TRRAP: variants seen among roughly 807,000 people sequenced by gnomAD.
TRRAP encodes transformation/transcription domain-associated protein.
TRRAP carries 41 observed loss-of-function variants against 438.8 expected under a neutral mutation model. The ratio of observed to expected loss-of-function variants is 0.09; its 90% CI spans 0.07 to 0.12. The LOEUF is 0.12. TRRAP is among the 10% of genes least tolerant of loss of function. The pLI is 1.00. For missense variants in TRRAP, 3,122 were observed against 5,055.1 expected (o/e 0.62, Z 11.60); for synonymous variants, 1,994 against 1,962.9 (o/e 1.02, Z -0.42).
intron 67 of TRRAP, among the ~76,000 whole-genome samples, chr7:98,996,285 G>A (rs766449137): frequency 2.6e-5 from 4 of 152,216 alleles, no homozygotes; most frequent in Non-Finnish European, 5.9e-5. Context: ...TTCTCGTGCT[G>A]TCTGGAACAC....
intron 17 of TRRAP, among the ~76,000 whole-genome samples, chr7:98,911,749 GA>G (rs1789284402): frequency 6.7e-6 from 1 of 149,938 alleles, no homozygotes; most frequent in South Asian, 2.1e-4. Context: ...CTGGGTGACA[GA>G]GCGAGACCCC....
At chr7:98,936,791 C>T (rs1790576664) in intron 28 of TRRAP, among the ~76,000 whole-genome samples, 1 of 152,208 alleles carries the variant, frequency 6.6e-6, no homozygotes. Context: ...TTTATCATGG[C>T]TTTTCTGGCA....
intron 13 of TRRAP, among the ~76,000 whole-genome samples, chr7:98,906,678 C>T (rs1584293569): frequency 6.6e-6 from 1 of 151,988 alleles, no homozygotes; most frequent in Non-Finnish European, 1.5e-5. Context: ...GGTGATCTGC[C>T]TGCCTCAGCC....
intron 11 of TRRAP, 33 bp downstream of exon 11, chr7:98,900,753 G>C: frequency 6.3e-7 from 1 of 1,575,712 alleles, no homozygotes. Flanking sequence ...CAGGTTTATT[G>C]AGATAGTTTA....
In TRRAP at chr7:98,910,176, C is replaced by G; in HGVS notation, c.1471C>G (p.Pro491Ala). 1 of 1,610,900 alleles carries G rather than the reference C, an allele frequency of 6.2e-7. No individual in the cohort carries two copies. Among genetic ancestry groups the G allele is most frequent in the Non-Finnish European group, 8.5e-7 (1 of 1,179,404 alleles). ...AGCTCTGCCTGGGGTGCCCACTGCC[C>G]CTGCAGCTCCTGGCCCTGCTCCCTC... ...EAALPGVPTA[P>A]AAPGPAPSPA... The change falls in exon 15 of 73, where the codon CCT (proline) becomes GCT (alanine). Residue 491 changes from proline to alanine, a missense_variant. Around this residue, in one of 24 missense-constraint regions of TRRAP, gnomAD observed 115 missense variants for 124.6 expected, o/e 0.92. Transcript: ENST00000456197.
intron 69 of TRRAP, among the ~76,000 whole-genome samples, chr7:99,006,157 AC>A (rs1279026892): frequency 3.9e-5 from 6 of 152,184 alleles, no homozygotes; most frequent in Non-Finnish European, 8.8e-5. Flanking sequence ...GCCTGATTGT[AC>A]CGGCACGTAG....
chr7:98,893,295 A>T (rs11976266), intron 5 of TRRAP, among the ~76,000 whole-genome samples: 1 of 152,080 alleles, frequency 6.6e-6, no homozygotes, highest in African/African-American at 2.4e-5. Flanking sequence ...TTCTGGGCCT[A>T]TTGGAAAGAT....
intron 1 of TRRAP, among the ~76,000 whole-genome samples, chr7:98,879,857 G>A (rs1483863331): frequency 1.3e-5 from 2 of 152,196 alleles, no homozygotes; most frequent in Non-Finnish European, 2.9e-5. Flanking sequence ...CTGCAAAGCA[G>A]TGTATCCGGT....
intron 1 of TRRAP, among the ~76,000 whole-genome samples, chr7:98,879,140 G>T (rs1391025021): frequency 6.6e-6 from 1 of 152,184 alleles, no homozygotes; most frequent in Non-Finnish European, 1.5e-5. Context: ...CGGGCTTGGC[G>T]GGGTCTGGGG....
intron 52 of TRRAP, 76 bp downstream of exon 52, chr7:98,970,367 A>G (rs963501526): frequency 1.4e-5 from 21 of 1,530,894 alleles, no homozygotes; most frequent in Middle Eastern, 2.0e-4. Context: ...AATCCCAGAG[A>G]GGAGGTGAGA....
rs538544249 is a variant in TRRAP, at chr7:98,921,732, T to C, written c.2623-21T>C. The C allele has an allele frequency of 1.9e-6, 3 of 1,613,560 alleles. No individual in the cohort carries two copies. In the African/African-American group the frequency reaches 4.0e-5, roughly 22 times the overall value. ...AGGCATTACCTTAAGAGGACCTTAATGAAAGCACGCTGATTTTCAGGCTCT... is the reference window on the plus strand; with the variant it reads ...AGGCATTACCTTAAGAGGACCTTAACGAAAGCACGCTGATTTTCAGGCTCT... On this transcript the variant is annotated intron_variant, in intron 20 of 72. Coordinates refer to ENST00000456197, the MANE Select transcript of TRRAP (RefSeq NM_001375524.1).
intron 33 of TRRAP, 106 bp downstream of exon 33, chr7:98,946,056 C>A: frequency 5.0e-6 from 6 of 1,205,450 alleles, no homozygotes; most frequent in Non-Finnish European, 6.4e-6. Context: ...GCGTTGTGCC[C>A]TTGAGTGCAG....
chr7:98,898,346 C>T (rs1271900564), intron 8 of TRRAP, among the ~76,000 whole-genome samples: 5 of 152,166 alleles, frequency 3.3e-5, no homozygotes, highest in East Asian at 1.9e-4. Context: ...ACCTGTCTCA[C>T]GGACTTTGTG....
At chr7:98,968,353 G>C (rs961712372) in intron 51 of TRRAP, among the ~76,000 whole-genome samples, 2 of 152,168 alleles carry the variant, frequency 1.3e-5, no homozygotes, top group African/African-American at 4.8e-5. Flanking sequence ...TGGAGCAGCC[G>C]GGCCAGGGCC....
At chr7:98,966,602 T>A (rs1212683308) in intron 49 of TRRAP, among the ~76,000 whole-genome samples, 1 of 152,026 alleles carries the variant, frequency 6.6e-6, no homozygotes, top group African/African-American at 2.4e-5. Flanking sequence ...AGAGAATCGC[T>A]TGAATCCAGG....
At chr7:98,881,385 C>A in intron 2 of TRRAP, 135 bp downstream of exon 2, 2 of 713,128 alleles carry the variant, frequency 2.8e-6, no homozygotes, top group Non-Finnish European at 4.3e-6. Context: ...CTAGCCTGGC[C>A]AACATGGTGA....
chr7:98,893,428 A>G (rs1584275275), intron 5 of TRRAP, among the ~76,000 whole-genome samples: 1 of 152,324 alleles, frequency 6.6e-6, no homozygotes, highest in East Asian at 1.9e-4. Flanking sequence ...CTCACAGAGC[A>G]TTTGTAAGGT....
At chr7:98,967,013 A>C (rs1792188748) in intron 49 of TRRAP, 28 bp from the exon 50 acceptor site, 1 of 1,594,048 alleles carries the variant, frequency 6.3e-7, no homozygotes, top group Non-Finnish European at 8.5e-7. Context: ...AATACTTTTA[A>C]CTGCGTCTTT....
intron 70 of TRRAP, among the ~76,000 whole-genome samples, chr7:99,009,266 G>C (rs758262463): frequency 3.3e-5 from 5 of 152,132 alleles, no homozygotes; most frequent in Non-Finnish European, 1.5e-5. Context: ...TGGGTGCCCC[G>C]TGGTCCTTTC....
Sources: gnomAD v4.1 joint callset for allele counts (sites outside exome capture counted in the v4.1 genomes callset) on GRCh38, gnomAD v4.1.1 for gene constraint, gnomAD v4.1.1 regional missense constraint, MANE v1.5 for transcripts, NCBI Gene and HGNC (gene_info 2026-07-23, HGNC 2026-07-21) for gene names.